The following NFIB variants were observed in gnomAD, a reference collection of about 807,000 sequenced individuals.
NFIB encodes nuclear factor I B, also known as nuclear factor 1 B-type.
A neutral mutation model predicts 61.5 loss-of-function variants in NFIB; 11 were observed. The observed-to-expected ratio is 0.18, with a 90% CI of 0.11 to 0.30. The LOEUF (loss-of-function observed/expected upper bound fraction) is 0.30. Ranked by LOEUF, NFIB falls within the 10% of genes least tolerant of loss-of-function variation. The pLI is 1.00. For missense variants in NFIB, 471 were observed against 608.9 expected (o/e 0.77, Z 2.38); for synonymous variants, 260 against 216.5 (o/e 1.20, Z -1.76).
chr9:14,359,829 A>T (rs1478096592), intron 1 of NFIB, among the ~76,000 whole-genome samples: 4 of 152,198 alleles, frequency 2.6e-5, no homozygotes, highest in Non-Finnish European at 5.9e-5. Flanking sequence ...CGCAGAAAGT[A>T]GTAAAGTTAG....
At chr9:14,357,327 C>T (rs2061187493) in intron 1 of NFIB, 1 of 151,916 alleles carries the variant, frequency 6.6e-6, no homozygotes, top group Non-Finnish European at 1.5e-5. Context: ...ACTCTGTATA[C>T]TTTATATGTG....
intron 2 of NFIB, among the ~76,000 whole-genome samples, chr9:14,237,759 T>C (rs1299888739): frequency 6.9e-6 from 1 of 145,056 alleles, no homozygotes; most frequent in Non-Finnish European, 1.5e-5. Context: ...CTGCTAGGTA[T>C]AACAGTGTGT....
chr9:14,526,178 T>C, the NFIB span, among the ~76,000 whole-genome samples: 6 of 151,984 alleles, frequency 3.9e-5, no homozygotes, highest in African/African-American at 1.4e-4. Flanking sequence ...AAAATGAACA[T>C]AGTATGTGAG....
the NFIB span, among the ~76,000 whole-genome samples, chr9:14,513,640 G>C: frequency 8.2e-6 from 1 of 122,058 alleles, no homozygotes; most frequent in East Asian, 2.4e-4. Context: ...AAAAAAAAAA[G>C]AAAAAGAAAA....
intron 1 of NFIB, among the ~76,000 whole-genome samples, chr9:14,367,553 G>A (rs575128151): frequency 3.4e-4 from 51 of 152,236 alleles, no homozygotes; most frequent in African/African-American, 1.1e-3. Context: ...GTGTATTTTC[G>A]TTGATAGGGA....
chr9:14,206,177 CTTTT>C lies in NFIB; in HGVS notation c.563-26401_563-26398del, dbSNP rs57849439. On this transcript the variant is annotated intron_variant, in intron 2 of 10. Coordinates refer to ENST00000380953, the MANE Select transcript of NFIB (RefSeq NM_001190737.2). ...CTAGTAACTTACTAACTCTCTCTCT[CTTTT>C]TTTTTTTTTTCTTCTTTGAGATGGA... 8.4e-4 allele frequency among the ~76,000 whole-genome samples: 113 copies of C among 135,226 alleles called. 1 individual carries two copies. Among genetic ancestry groups the C allele is most frequent in the Non-Finnish European group, 2.8e-4 (17 of 61,420 alleles). 88.7% of individuals were successfully genotyped at this position (135,226 alleles called of 152,430 possible). A position where few individuals can be genotyped will look rare whatever the true frequency, so the allele number is the denominator to read the frequency against.
At chr9:14,298,858 A>G (rs541125753) in intron 2 of NFIB, among the ~76,000 whole-genome samples, 1 of 152,336 alleles carries the variant, frequency 6.6e-6, no homozygotes, top group African/African-American at 2.4e-5. Flanking sequence ...GTTTTAACAC[A>G]TCAGCTTTGG....
At chr9:14,273,574 C>T (rs1336555661) in intron 2 of NFIB, among the ~76,000 whole-genome samples, 1 of 152,096 alleles carries the variant, frequency 6.6e-6, no homozygotes, top group Non-Finnish European at 1.5e-5. Flanking sequence ...CACAGAGGTC[C>T]GTCTGTCCTC....
chr9:14,111,973 CACA>C (rs2037446978), intron 10 of NFIB, among the ~76,000 whole-genome samples: 1 of 152,104 alleles, frequency 6.6e-6, no homozygotes, highest in African/African-American at 2.4e-5. Context: ...TGAGGTAGGT[CACA>C]ACAAGGGTAT....
upstream of NFIB, chr9:14,314,324 GCCGCCCGC>G (rs1233457857): frequency 5.1e-6 from 1 of 197,386 alleles, no homozygotes; most frequent in Non-Finnish European, 9.0e-6. Flanking sequence ...TCGGCGCCCG[GCCGCCCGC>G]CCGCCCGCCT....
chr9:14,403,869 T>G (rs2061766005), upstream of NFIB, among the ~76,000 whole-genome samples: 2 of 152,264 alleles, frequency 1.3e-5, 1 homozygote, highest in South Asian at 4.2e-4. Context: ...ACACAAATTC[T>G]TATAAGACAT....
chr9:14,111,163 CAT>C (rs2037306455), intron 10 of NFIB, among the ~76,000 whole-genome samples: 2 of 152,088 alleles, frequency 1.3e-5, no homozygotes. Context: ...TAAAATATAT[CAT>C]GTGCCAGAAT....
At chr9:14,143,991 A>AGAGTGTGTGTGTGTGT (rs1554647267) in intron 6 of NFIB, among the ~76,000 whole-genome samples, 1 of 134,150 alleles carries the variant, frequency 7.5e-6, no homozygotes, top group African/African-American at 2.8e-5. Context: ...AAAGTGACAG[A>AGAGTGTGTGTGTGTGT]GTGTGTGTGT....
chr9:14,391,943 G>C (rs4537389), intron 1 of NFIB, among the ~76,000 whole-genome samples: 9,414 of 152,104 alleles, frequency 0.062, 500 homozygotes, highest in East Asian at 0.33. Context: ...ACTTCTGGCC[G>C]TCAGCTGAAT....
chr9:14,517,206 C>T, the NFIB span, among the ~76,000 whole-genome samples: 1 of 152,234 alleles, frequency 6.6e-6, no homozygotes, highest in Non-Finnish European at 1.5e-5. Context: ...CCAAGGCCCA[C>T]AGCTAACCTC....
intron 2 of NFIB, among the ~76,000 whole-genome samples, chr9:14,270,709 G>A (rs929679522): frequency 6.6e-6 from 1 of 151,584 alleles, no homozygotes; most frequent in African/African-American, 2.4e-5. Flanking sequence ...TAAAAAGTAA[G>A]GTGTCTCTTT....
At chr9:14,517,235 C>T in the NFIB span, among the ~76,000 whole-genome samples, 11 of 152,192 alleles carry the variant, frequency 7.2e-5, no homozygotes, top group Non-Finnish European at 1.3e-4. Context: ...CCCCCACCAA[C>T]CTCTCTCTGG....
chr9:14,275,914 G>A (rs1444446167), intron 2 of NFIB, among the ~76,000 whole-genome samples: 3 of 150,770 alleles, frequency 2.0e-5, no homozygotes, highest in African/African-American at 4.9e-5. Flanking sequence ...AACTCTACCA[G>A]TATACCAAAA....
rs979527161 is a variant in NFIB, at chr9:14,083,026, A to G, written c.*5283T>C. ...TAGTGGCACTGAAGCGCTTTTCACA[A>G]TCTCAACATACATTTGAATTGCAAC... On this transcript the variant is annotated 3_prime_UTR_variant, in exon 11 of 11. Coordinates refer to ENST00000380953, the MANE Select transcript of NFIB (RefSeq NM_001190737.2). 3 of 209,026 alleles carry G rather than the reference A, an allele frequency of 1.4e-5. No individual in the cohort carries two copies. The highest frequency in any genetic ancestry group is 2.3e-5 in the African/African-American group (1 of 43,872). 12.9% of individuals were successfully genotyped at this position (209,026 alleles called of 1,614,324 possible).
Sources: gnomAD v4.1 joint callset for allele counts (sites outside exome capture counted in the v4.1 genomes callset) on GRCh38, gnomAD v4.1.1 for gene constraint, MANE v1.5 for transcripts, NCBI Gene and HGNC (gene_info 2026-07-23, HGNC 2026-07-21) for gene names.